EDAR: variants seen among roughly 807,000 people sequenced by gnomAD.
EDAR encodes the protein ectodysplasin A receptor, also known as tumor necrosis factor receptor superfamily member EDAR.
In EDAR, 38 loss-of-function variants were observed where a neutral mutation model predicts 51.3. The observed-to-expected ratio is 0.74, with a 90% CI of 0.57 to 0.97. The LOEUF (loss-of-function observed/expected upper bound fraction) is 0.97, where lower values mean the gene tolerates loss of function less well. Ranked by LOEUF, EDAR falls within the 50% of genes least tolerant of loss-of-function variation. The pLI, the probability that EDAR is intolerant of heterozygous loss-of-function variation, is 0.00. For synonymous variants in EDAR, 227 were observed against 242.1 expected, an observed-to-expected ratio of 0.94 and a Z score of 0.58; for missense variants, 528 against 595.0, an observed-to-expected ratio of 0.89 and a Z score of 1.17.
At chr2:108,904,108 A>G (rs916224600) in intron 11 of EDAR, among the ~76,000 whole-genome samples, 1 of 152,154 alleles carries the variant, frequency 6.6e-6, no homozygotes, top group Admixed American at 6.5e-5. Flanking sequence ...AAAACCCTCA[A>G]AACTCAACAG....
intron 1 of EDAR, among the ~76,000 whole-genome samples, chr2:108,943,915 T>C (rs1274256483): frequency 6.6e-6 from 1 of 152,174 alleles, no homozygotes; most frequent in East Asian, 1.9e-4. Flanking sequence ...CTCAGTTACG[T>C]TGCTTCCAAA....
chr2:108,918,556 G>A (rs1697068618), intron 5 of EDAR, among the ~76,000 whole-genome samples: 1 of 152,182 alleles, frequency 6.6e-6, no homozygotes. Flanking sequence ...AGGCAAAAAT[G>A]TCCTCACAAG....
chr2:108,916,483 T>G (rs1325511089), intron 5 of EDAR, among the ~76,000 whole-genome samples: 1 of 152,120 alleles, frequency 6.6e-6, no homozygotes, highest in Non-Finnish European at 1.5e-5. Context: ...AAACAATGCC[T>G]GCAGATGTGA....
At chr2:108,960,240 C>T (rs1451970966) in intron 1 of EDAR, among the ~76,000 whole-genome samples, 1 of 152,226 alleles carries the variant, frequency 6.6e-6, no homozygotes, top group Non-Finnish European at 1.5e-5. Flanking sequence ...ACAAGAGCCT[C>T]AAACTGAGGA....
intron 5 of EDAR, among the ~76,000 whole-genome samples, chr2:108,919,859 G>A (rs1697103901): frequency 6.6e-6 from 1 of 152,222 alleles, no homozygotes; most frequent in African/African-American, 2.4e-5. Context: ...TGAGTGCGTA[G>A]CTGACTTCCC....
At chr2:108,920,652 C>T (rs558590396) in intron 5 of EDAR, among the ~76,000 whole-genome samples, 240 of 152,310 alleles carry the variant, frequency 1.6e-3, no homozygotes, top group African/African-American at 5.4e-3. Context: ...TGCAATCTGA[C>T]GCCTGTCCTC....
At chr2:108,937,914 G>C (rs1697509126) in intron 1 of EDAR, among the ~76,000 whole-genome samples, 1 of 152,222 alleles carries the variant, frequency 6.6e-6, no homozygotes, top group Non-Finnish European at 1.5e-5. Context: ...GGTTTGAGTT[G>C]AAAGTTTAAA....
intron 1 of EDAR, among the ~76,000 whole-genome samples, chr2:108,965,459 C>T (rs10202879): frequency 0.043 from 2,695 of 62,358 alleles, 72 homozygotes; most frequent in African/African-American, 0.12. Flanking sequence ...AGCGAGATTT[C>T]GTCTCAAAAA....
intron 2 of EDAR, 40 bp from the exon 3 acceptor site, chr2:108,930,282 T>C: frequency 6.2e-7 from 1 of 1,613,382 alleles, no homozygotes; most frequent in Non-Finnish European, 8.5e-7. Flanking sequence ...CGTACCTCCT[T>C]AGAAACACAT....
chr2:108,901,678 T>A (rs1696701460), intron 11 of EDAR, among the ~76,000 whole-genome samples: 1 of 152,200 alleles, frequency 6.6e-6, no homozygotes, highest in African/African-American at 2.4e-5. Flanking sequence ...ACTTTAACTC[T>A]ACACATATAA....
At chr2:108,958,772 A>C (rs934752497) in intron 1 of EDAR, among the ~76,000 whole-genome samples, 1 of 152,218 alleles carries the variant, frequency 6.6e-6, no homozygotes, top group Non-Finnish European at 1.5e-5. Context: ...ATTTTGTTGA[A>C]TGTTGTGACT....
intron 1 of EDAR, among the ~76,000 whole-genome samples, chr2:108,967,292 A>C (rs1698164530): frequency 6.6e-6 from 1 of 152,212 alleles, no homozygotes; most frequent in Non-Finnish European, 1.5e-5. Context: ...CATATTTCAC[A>C]GGGAAAAACA....
intron 5 of EDAR, among the ~76,000 whole-genome samples, chr2:108,917,714 G>A (rs1402007617): frequency 1.3e-5 from 2 of 152,026 alleles, no homozygotes; most frequent in Non-Finnish European, 2.9e-5. Context: ...TGAGGGTGAG[G>A]TCAGCCCCCC....
intron 1 of EDAR, among the ~76,000 whole-genome samples, chr2:108,943,669 GTGT>G (rs1383185626): frequency 1.3e-5 from 2 of 152,178 alleles, no homozygotes; most frequent in Admixed American, 1.3e-4. Context: ...GTGGCCTGGT[GTGT>G]TGAGTAACAG....
chr2:108,905,900 T>G (rs1286801457), intron 11 of EDAR, among the ~76,000 whole-genome samples: 1 of 152,092 alleles, frequency 6.6e-6, no homozygotes, highest in Non-Finnish European at 1.5e-5. Context: ...ACATCGGGGA[T>G]GCTCGAGGGC....
intron 3 of EDAR, 93 bp from the exon 4 acceptor site, chr2:108,929,472 T>C: frequency 2.2e-6 from 3 of 1,354,646 alleles, no homozygotes; most frequent in South Asian, 1.2e-5. Context: ...ACGTGCCAGC[T>C]GTCTCCAGAA....
intron 5 of EDAR, among the ~76,000 whole-genome samples, chr2:108,921,232 C>A (rs1365440006): frequency 6.6e-6 from 1 of 152,122 alleles, no homozygotes; most frequent in African/African-American, 2.4e-5. Flanking sequence ...GCTGTGGGCA[C>A]TCCTAGGCTG....
intron 1 of EDAR, among the ~76,000 whole-genome samples, chr2:108,972,464 C>T (rs1698252622): frequency 6.6e-6 from 1 of 152,244 alleles, no homozygotes; most frequent in South Asian, 2.1e-4. Flanking sequence ...AGACACTGCC[C>T]TTTCCAATCC....
intron 1 of EDAR, among the ~76,000 whole-genome samples, chr2:108,968,145 C>T (rs945368630): frequency 1.3e-5 from 2 of 152,184 alleles, no homozygotes; most frequent in African/African-American, 2.4e-5. Context: ...GGGAAGGCGC[C>T]GTCATTGTTC....
Sources: allele counts gnomAD v4.1 joint callset (sites outside exome capture counted in the v4.1 genomes callset), GRCh38; gene constraint gnomAD v4.1.1; transcripts MANE v1.5; gene names NCBI Gene and HGNC (gene_info 2026-07-23, HGNC 2026-07-21).